The following PPL variants were observed in gnomAD, a reference collection of about 807,000 sequenced individuals.
PPL encodes the protein periplakin, also known as 190 kDa paraneoplastic pemphigus antigen.
A neutral mutation model predicts 194.4 loss-of-function variants in PPL; 198 were observed. The observed-to-expected ratio is 1.02, with a 90% CI of 0.91 to 1.15. The LOEUF (loss-of-function observed/expected upper bound fraction) is 1.15. Ranked by LOEUF, PPL falls within the 50% of genes most tolerant of loss-of-function variation. The pLI, the probability that PPL is intolerant of heterozygous loss-of-function variation, is 0.00. For missense variants in PPL, 2,885 were observed against 2,294.8 expected (o/e 1.26, Z -5.25); for synonymous variants, 1,220 against 972.4 (o/e 1.25, Z -4.74).
chr16:4,929,319 T>C (rs2340757), intron 1 of PPL, among the ~76,000 whole-genome samples: 87,887 of 151,624 alleles, frequency 0.58, 27,793 homozygotes, highest in Non-Finnish European at 0.69. Context: ...CTTCCTGAGG[T>C]CCCTCTTCTT....
chr16:4,904,860 A>G (rs548914988), intron 2 of PPL, among the ~76,000 whole-genome samples: 3 of 152,256 alleles, frequency 2.0e-5, no homozygotes, highest in Non-Finnish European at 2.9e-5. Flanking sequence ...GCGAGGTGGC[A>G]CCAGCAAGAA....
chr16:4,924,481 G>A (rs985611061), intron 1 of PPL, among the ~76,000 whole-genome samples: 6 of 152,162 alleles, frequency 3.9e-5, no homozygotes, highest in Non-Finnish European at 5.9e-5. Context: ...GCTGATGGGC[G>A]CTCAGAGCAT....
In PPL at chr16:4,897,783, G is replaced by A; in HGVS notation, c.877-13C>T. The A allele has an allele frequency of 6.2e-7, 1 of 1,609,968 alleles. No homozygotes were observed. The stretch of plus-strand genomic sequence containing the variant: ...CCTCCATGTGCGCCTGCCAGGAAGA[G>A]AAGGGGCCGGTCACCACTGGGCAGG... On this transcript the variant is annotated splice_polypyrimidine_tract_variant and intron_variant, in intron 8 of 21. Coordinates refer to ENST00000345988, the MANE Select transcript of PPL (RefSeq NM_002705.5).
chr16:4,893,877 A>G, intron 12 of PPL: 1 of 562,824 alleles, frequency 1.8e-6, no homozygotes, highest in Non-Finnish European at 3.2e-6. Context: ...CTGTCCAATA[A>G]TCACCACCAA....
At position 4,901,092 on chromosome 16, in the gene PPL, G is replaced by A; in HGVS notation, c.439-3C>T. ...AAGCTCTGGTTGTTCAGCTTGTCCT[G>A]GCCAGGAGGGCAGAGAAGCAATAAG... On this transcript the variant is annotated splice_region_variant and splice_polypyrimidine_tract_variant and intron_variant, in intron 4 of 21. Transcript: ENST00000345988. 1 of 1,614,014 alleles carries A rather than the reference G, an allele frequency of 6.2e-7. No homozygotes were observed. The highest frequency in any genetic ancestry group is 8.5e-7 in the Non-Finnish European group (1 of 1,179,958).
intron 9 of PPL, among the ~76,000 whole-genome samples, chr16:4,896,362 A>G (rs1260427844): frequency 1.3e-5 from 2 of 152,242 alleles, no homozygotes; most frequent in Admixed American, 6.5e-5. Flanking sequence ...GTGGATAAAC[A>G]CAGTGGTCTA....
intron 8 of PPL, among the ~76,000 whole-genome samples, chr16:4,898,562 G>A (rs1302035511): frequency 2.6e-5 from 4 of 152,180 alleles, no homozygotes; most frequent in Non-Finnish European, 4.4e-5. Context: ...TGAAGACGGA[G>A]GAAGGGACTG....
chr16:4,891,720 G>C, intron 16 of PPL, 91 bp downstream of exon 16: 1 of 1,460,876 alleles, frequency 6.8e-7, no homozygotes. Flanking sequence ...CTGGATGCTG[G>C]TGTCCTCATC....
intron 13 of PPL, 37 bp from the exon 14 acceptor site, chr16:4,893,407 C>T (rs776952713): frequency 2.3e-5 from 36 of 1,598,796 alleles, no homozygotes; most frequent in East Asian, 6.7e-5. Flanking sequence ...GGTGTGACAA[C>T]GGGCCAGGGG....
In PPL at chr16:4,900,758, C is replaced by T. The variant is rs867466831; in HGVS notation, c.606+72G>A. 103 of 1,598,972 alleles carry T rather than the reference C, an allele frequency of 6.4e-5. No individual in the cohort carries two copies. In the South Asian group the frequency reaches 7.3e-4, roughly 11 times the overall value. On this transcript the variant is annotated intron_variant, in intron 6 of 21. Coordinates refer to ENST00000345988, the MANE Select transcript of PPL (RefSeq NM_002705.5). ...TATGTCATTTTTAAAACAATACATC[C>T]TTGTCCCCCCGACTCCAAGCTTCCC...
chr16:4,902,648 G>C lies in PPL; in HGVS notation c.318-122C>G, dbSNP rs961476424. Reference sequence around the variant, plus strand: ...AGGACACAGTGACCATATGGCCTTGGGTTCCAGACAATCACAGCATCCTCT... The same window carrying C: ...AGGACACAGTGACCATATGGCCTTGCGTTCCAGACAATCACAGCATCCTCT... On this transcript the variant is annotated intron_variant, in intron 3 of 21. Transcript: ENST00000345988. The surrounding 1 kb of genome is among the most constrained non-coding windows in gnomAD (Gnocchi z 4.0). 4.3e-6 allele frequency: 5 copies of C among 1,153,204 alleles called. No individual in the cohort carries two copies. The highest frequency in any genetic ancestry group is 6.0e-6 in the Non-Finnish European group (5 of 834,986). 71.4% of individuals were successfully genotyped at this position (1,153,204 alleles called of 1,614,324 possible).
intron 18 of PPL, 50 bp downstream of exon 18, chr16:4,890,134 G>A: frequency 6.2e-7 from 1 of 1,612,866 alleles, no homozygotes; most frequent in Non-Finnish European, 8.5e-7. Flanking sequence ...GTTGACCTCT[G>A]ACCCTCCCTT....
chr16:4,906,683 A>G (rs1000691103), intron 2 of PPL, among the ~76,000 whole-genome samples: 15 of 152,256 alleles, frequency 9.9e-5, no homozygotes, highest in African/African-American at 3.6e-4. Flanking sequence ...GCTGAGAGAG[A>G]AAGAGAACAT....
At chr16:4,925,899 G>T (rs575929746) in intron 1 of PPL, among the ~76,000 whole-genome samples, 1 of 152,228 alleles carries the variant, frequency 6.6e-6, no homozygotes, top group African/African-American at 2.4e-5. Context: ...ACCCAGGGAA[G>T]CAGAGTGATT....
intron 12 of PPL, 130 bp from the exon 13 acceptor site, chr16:4,893,768 A>G: frequency 1.4e-6 from 1 of 702,782 alleles, no homozygotes; most frequent in Non-Finnish European, 2.4e-6. Flanking sequence ...GCGGACAGCA[A>G]GTGCTCACTG....
rs762228729 is a variant in PPL, at chr16:4,899,245, G to C, written c.746C>G (p.Pro249Arg). 1 of 1,613,930 alleles carries C rather than the reference G, an allele frequency of 6.2e-7. No homozygotes were observed. The highest frequency in any genetic ancestry group is 1.1e-5 in the South Asian group (1 of 91,080). Residue 249 changes from proline to arginine, a missense_variant, in exon 7 of 22, where the codon CCC (proline) becomes CGC (arginine). By Grantham distance (103) the Pro-to-Arg change is moderately radical. Coordinates refer to ENST00000345988, the MANE Select transcript of PPL (RefSeq NM_002705.5). ...CACCTCATACTGGCGCCGGCGGCTG[G>C]GGTAGTCGAGGTTGCGGTCACTCCA... is the stretch of plus-strand genomic sequence containing the variant. ...YDWSDRNLDY[P>R]SRRRQYENFI...
intron 8 of PPL, among the ~76,000 whole-genome samples, chr16:4,898,793 A>G (rs2088483519): frequency 6.6e-6 from 1 of 152,258 alleles, no homozygotes; most frequent in African/African-American, 2.4e-5. Context: ...TACAGACCCC[A>G]CAGGGGCTTC....
At chr16:4,908,507 C>G (rs2088750634) in intron 2 of PPL, among the ~76,000 whole-genome samples, 1 of 151,924 alleles carries the variant, frequency 6.6e-6, no homozygotes, top group Non-Finnish European at 1.5e-5. Context: ...GTAGATACCT[C>G]TGGTGGTGGA....
intron 13 of PPL, 21 bp from the exon 14 acceptor site, chr16:4,893,391 C>A (rs751692088): frequency 1.2e-6 from 2 of 1,602,400 alleles, no homozygotes; most frequent in East Asian, 4.5e-5. Flanking sequence ...AGGGAGGACA[C>A]AGGCAGGTGT....
Sources: allele counts gnomAD v4.1 joint callset (sites outside exome capture counted in the v4.1 genomes callset), GRCh38; gene constraint gnomAD v4.1.1; non-coding constraint Gnocchi (gnomAD v3.1); transcripts MANE v1.5; gene names NCBI Gene and HGNC (gene_info 2026-07-23, HGNC 2026-07-21).